The following PAK6 variants were observed in gnomAD, a reference collection of about 807,000 sequenced individuals.
PAK6 encodes the protein serine/threonine-protein kinase PAK 6.
A neutral mutation model predicts 60.8 loss-of-function variants in PAK6; 33 were observed. The observed-to-expected ratio is 0.54, with a 90% confidence interval of 0.41 to 0.73. PAK6 has a LOEUF of 0.73. PAK6 is among the 30% of genes least tolerant of loss of function. PAK6 has a pLI of 0.00. For synonymous variants in PAK6, 404 were observed against 378.5 expected (o/e 1.07, Z -0.78); for missense variants, 845 against 904.1 (o/e 0.93, Z 0.84).
At chr15:40,275,280 G>GTTTTCTTTTTTTTTTTTTTTTTTTTTTT (rs1448905930) in intron 10 of PAK6, among the ~76,000 whole-genome samples, 2 of 56,486 alleles carry the variant, frequency 3.5e-5, no homozygotes, top group East Asian at 6.0e-4. Context: ...GTTGTTGTTG[G>GTTTTCTTTTTTTTTTTTTTTTTTTTTTT]TTTTTTTTTT....
At chr15:40,273,310 TTC>T (rs1346216894) in intron 7 of PAK6, 34 bp from the exon 8 acceptor site, 7 of 1,606,168 alleles carry the variant, frequency 4.4e-6, no homozygotes, top group South Asian at 1.1e-5. Context: ...AGAGCTAACG[TTC>T]TCTTTCATCG....
At chr15:40,266,109 A>G (rs1388913857) in exon 5 of PAK6, 3 of 1,608,176 alleles carry the variant, frequency 1.9e-6, no homozygotes, top group Non-Finnish European at 2.5e-6. Context: ...CCACAAGCAG[A>G]TGCCGTGGCC....
rs143849689 is a variant in PAK6, at chr15:40,248,238, C to T, written c.-117-4940C>T. ...CCCTCGGCTCACACTTCCAGATGCT[C>T]GGAGGTTCAGAGGTTTGCACCTCCC... On this transcript the variant is annotated intron_variant, in intron 2 of 10. Transcript: ENST00000560346. 7.2e-3 allele frequency among the ~76,000 whole-genome samples: 1,095 copies of T among 152,276 alleles called. 9 individuals are homozygous for T. Among genetic ancestry groups the T allele is most frequent in the Middle Eastern group, 0.024 (7 of 294 alleles).
intron 2 of PAK6, among the ~76,000 whole-genome samples, chr15:40,241,837 C>A (rs548648626): frequency 6.6e-6 from 1 of 152,218 alleles, no homozygotes; most frequent in Admixed American, 6.5e-5. Flanking sequence ...AAGTCCCCTG[C>A]CCTGGAGGAG....
At chr15:40,275,279 G>GTTTTTTTTTTTTTTTTTTT (rs1491294097) in intron 10 of PAK6, among the ~76,000 whole-genome samples, 1 of 13,712 alleles carries the variant, frequency 7.3e-5, no homozygotes, top group African/African-American at 1.8e-4. Context: ...TGTTGTTGTT[G>GTTTTTTTTTTTTTTTTTTT]GTTTTTTTTT....
intron 2 of PAK6, among the ~76,000 whole-genome samples, chr15:40,250,455 C>T (rs1035662237): frequency 1.8e-4 from 28 of 152,168 alleles, no homozygotes; most frequent in African/African-American, 6.3e-4. Context: ...TTCTTGAATA[C>T]CTCCAGTGAT....
At chr15:40,240,845 AGATT>A (rs1468154883) in intron 2 of PAK6, among the ~76,000 whole-genome samples, 164 bp downstream of exon 2, 1 of 151,932 alleles carries the variant, frequency 6.6e-6, no homozygotes, top group Non-Finnish European at 1.5e-5. Flanking sequence ...CCTTCTTTCC[AGATT>A]GATTGTGAAA....
At chr15:40,246,311 T>C (rs978766769) in intron 2 of PAK6, 3 of 152,188 alleles carry the variant, frequency 2.0e-5, no homozygotes, top group Non-Finnish European at 4.4e-5. Context: ...GACATTTACA[T>C]GTCCAATAGC....
At chr15:40,275,987 G>A (rs905064215) in exon 11 of PAK6, 9 of 1,613,412 alleles carry the variant, frequency 5.6e-6, no homozygotes, top group Non-Finnish European at 6.8e-6. Flanking sequence ...CCAAGAGAGA[G>A]CCACAGCCCA....
chr15:40,241,837 C>T lies in PAK6; in HGVS notation c.-118+1156C>T, dbSNP rs548648626. Reference sequence around the variant, plus strand: ...CTAAGGATGACCAAAAAGTCCCCTGCCCTGGAGGAGCACATGTGCTCAGAG... The same window carrying T: ...CTAAGGATGACCAAAAAGTCCCCTGTCCTGGAGGAGCACATGTGCTCAGAG... On this transcript the variant is annotated intron_variant, in intron 2 of 10. Coordinates refer to ENST00000560346, the Ensembl canonical transcript of PAK6. 5.9e-5 allele frequency among the ~76,000 whole-genome samples: 9 copies of T among 152,336 alleles called. No homozygotes were observed. In the South Asian group the frequency reaches 1.9e-3, roughly 32 times the overall value.
chr15:40,272,024 C>T (rs1049331145), intron 5 of PAK6, among the ~76,000 whole-genome samples, 200 bp from the exon 6 acceptor site: 1 of 152,324 alleles, frequency 6.6e-6, no homozygotes, highest in East Asian at 1.9e-4. Flanking sequence ...TGGTGCCCTG[C>T]GGGGGACTGC....
At chr15:40,264,538 C>T in intron 3 of PAK6, 2 of 612,254 alleles carry the variant, frequency 3.3e-6, no homozygotes, top group South Asian at 3.2e-5. Context: ...GGCAAGAAGA[C>T]ACCTCTTTTC....
intron 3 of PAK6, among the ~76,000 whole-genome samples, chr15:40,258,092 T>C (rs1027252031): frequency 6.6e-6 from 1 of 152,208 alleles, no homozygotes; most frequent in African/African-American, 2.4e-5. Context: ...GGAAACATTT[T>C]ACTCACCCCT....
At chr15:40,272,649 C>G in exon 6 of PAK6, 1 of 1,607,320 alleles carries the variant, frequency 6.2e-7, no homozygotes, top group East Asian at 2.2e-5. Flanking sequence ...GGGAGAAGCA[C>G]TCGGGCCGCC....
chr15:40,276,173 G>C, exon 11 of PAK6: 1 of 1,317,548 alleles, frequency 7.6e-7, no homozygotes, highest in Non-Finnish European at 1.1e-6. Flanking sequence ...GGACTTGCCT[G>C]CCTCCTCCTC....
exon 6 of PAK6, chr15:40,272,401 T>C: frequency 6.2e-7 from 1 of 1,613,492 alleles, no homozygotes; most frequent in Non-Finnish European, 8.5e-7. Flanking sequence ...TCCAGGCCGG[T>C]CTTCCCCAGC....
At chr15:40,240,605 C>T (rs1310148760) in exon 2 of PAK6, 2 of 414,526 alleles carry the variant, frequency 4.8e-6, no homozygotes, top group African/African-American at 2.5e-5. Context: ...GAAGGGAGTG[C>T]CGCTTCCTGG....
chr15:40,259,147 G>C (rs2140968461), intron 3 of PAK6: 2 of 152,402 alleles, frequency 1.3e-5, no homozygotes, highest in Admixed American at 1.3e-4. Flanking sequence ...TCCTCCCCTA[G>C]ATGAATTGCG....
At chr15:40,266,649 G>C in intron 5 of PAK6, 154 bp downstream of exon 5, 2 of 637,468 alleles carry the variant, frequency 3.1e-6, no homozygotes, top group Non-Finnish European at 5.0e-6. Context: ...TCTTCTCTAA[G>C]GAGGGTGGCT....
Sources: gnomAD v4.1 joint callset for allele counts (sites outside exome capture counted in the v4.1 genomes callset) on GRCh38, gnomAD v4.1.1 for gene constraint, MANE v1.5 for transcripts, NCBI Gene and HGNC (gene_info 2026-07-23, HGNC 2026-07-21) for gene names.